The following UBN2 variants were observed in gnomAD, a reference collection of about 807,000 sequenced individuals.
UBN2 encodes ubinuclein-2.
Under a neutral mutation model 120.2 loss-of-function variants are expected in UBN2, and 35 were observed. The ratio of observed to expected loss-of-function variants is 0.29; its 90% CI spans 0.22 to 0.39. The LOEUF is 0.39. Ranked by LOEUF, UBN2 falls within the 10% of genes least tolerant of loss-of-function variation. The pLI is 1.00. For missense variants in UBN2, 1,693 were observed against 1,663.2 expected (o/e 1.02, Z -0.31); for synonymous variants, 661 against 648.7 (o/e 1.02, Z -0.29).
the UBN2 span, among the ~76,000 whole-genome samples, chr7:139,320,537 C>T: frequency 6.6e-6 from 1 of 151,916 alleles, no homozygotes; most frequent in Non-Finnish European, 1.5e-5. Flanking sequence ...TCTAATTATC[C>T]ATAACGTCAA....
chr7:139,279,088 T>C (rs996767450), intron 12 of UBN2, among the ~76,000 whole-genome samples: 1 of 152,186 alleles, frequency 6.6e-6, no homozygotes, highest in African/African-American at 2.4e-5. Flanking sequence ...TTTTAAAAAT[T>C]GTATTATCTA....
the UBN2 span, among the ~76,000 whole-genome samples, chr7:139,316,612 C>A: frequency 1.3e-5 from 2 of 152,190 alleles, no homozygotes; most frequent in Non-Finnish European, 1.5e-5. Flanking sequence ...GGCATGGTGG[C>A]AGGGGCCTGT....
downstream of UBN2, among the ~76,000 whole-genome samples, chr7:139,308,876 C>T (rs374768255): frequency 2.0e-5 from 3 of 152,206 alleles, no homozygotes; most frequent in East Asian, 1.9e-4. Flanking sequence ...TTGAGACCAT[C>T]CTGGCCAACA....
rs1054543192 is a variant in UBN2, at chr7:139,261,757, C to T, written c.1395+16C>T. The T allele has an allele frequency of 6.3e-7, 1 of 1,590,808 alleles. No individual in the cohort carries two copies. Among genetic ancestry groups the T allele is most frequent in the Non-Finnish European group, 8.6e-7 (1 of 1,165,008 alleles). ...CCTTCGTGTAGTAAGTGTAATAATT[C>T]TCTTGCTTTTTATTTGCTGCACAAA... On this transcript the variant is annotated intron_variant, in intron 6 of 17. Coordinates refer to ENST00000473989, the MANE Select transcript of UBN2 (RefSeq NM_173569.4).
Position 139,231,710 on chromosome 7 carries a change from G to C in UBN2, c.226G>C (p.Glu76Gln). ...GCGGGAGAAGCCGCTCCCCCAGCGC[G>C]AGGTCAGCCGCGCCGAGCCGCCCAT... ...PSREKPLPQR[E>Q]VSRAEPPMSL... Residue 76 changes from glutamate (E) to glutamine (Q), a missense_variant, in exon 1 of 18, where the codon GAG becomes CAG. This residue lies in a region of UBN2 where 663 missense variants were observed against 591.2 expected (regional missense o/e 1.12). Coordinates refer to ENST00000473989, the MANE Select transcript of UBN2 (RefSeq NM_173569.4). 1 of 1,177,904 alleles carries C rather than the reference G, an allele frequency of 8.5e-7. No individual in the cohort carries two copies. Among genetic ancestry groups the C allele is most frequent in the Non-Finnish European group, 1.0e-6 (1 of 956,680 alleles). 73.0% of individuals were successfully genotyped at this position (1,177,904 alleles called of 1,614,324 possible). A position where few individuals can be genotyped will look rare whatever the true frequency, so the allele number is the denominator to read the frequency against.
chr7:139,235,847 G>A (rs942225490), intron 1 of UBN2, among the ~76,000 whole-genome samples: 95 of 152,230 alleles, frequency 6.2e-4, no homozygotes, highest in Admixed American at 6.0e-3. Flanking sequence ...GAATTGTCTC[G>A]TATTCATTCT....
chr7:139,310,870 GTC>G (rs1197774688), downstream of UBN2, among the ~76,000 whole-genome samples: 1 of 152,138 alleles, frequency 6.6e-6, no homozygotes, highest in Admixed American at 6.5e-5. Context: ...ATAGAGGTCT[GTC>G]TGGTTCTTTG....
intron 6 of UBN2, 91 bp from the exon 7 acceptor site, chr7:139,266,242 A>AG (rs1249834227): frequency 2.5e-5 from 21 of 843,040 alleles, no homozygotes; most frequent in Admixed American, 2.3e-4. Context: ...AAAAAAAAAA[A>AG]AAAGAAAAAA....
Position 139,297,959 on chromosome 7 carries a change from A to C in UBN2, c.*123A>C, listed in dbSNP as rs1431247721. 1 of 1,087,968 alleles carries C rather than the reference A, an allele frequency of 9.2e-7. No homozygotes were observed. The highest frequency in any genetic ancestry group is 1.4e-6 in the Non-Finnish European group (1 of 729,412). 67.4% of individuals were successfully genotyped at this position (1,087,968 alleles called of 1,614,324 possible). On this transcript the variant is annotated 3_prime_UTR_variant, in exon 18 of 18. Coordinates refer to ENST00000473989, the MANE Select transcript of UBN2 (RefSeq NM_173569.4). ...ATGTTTACATTCTCTCGTCCCAAGC[A>C]CTGTGGTGAGGAGGAAAAAGAAAAG...
intron 2 of UBN2, among the ~76,000 whole-genome samples, chr7:139,240,454 A>ATATATATATATATATATATAT (rs371717591): frequency 4.1e-5 from 5 of 123,100 alleles, no homozygotes; most frequent in African/African-American, 1.6e-4. Context: ...ATATATATAT[A>ATATATATATATATATATATAT]TTTTTTTTTT....
intron 2 of UBN2, among the ~76,000 whole-genome samples, chr7:139,240,496 C>A (rs972809028): frequency 4.1e-5 from 6 of 145,042 alleles, no homozygotes; most frequent in Non-Finnish European, 6.0e-5. Context: ...TTAAGAAAAT[C>A]ATCAGGCCAA....
At position 139,231,511 on chromosome 7, in the gene UBN2, C is replaced by G; in HGVS notation, c.27C>G (p.Phe9Leu). 17 of 1,417,070 alleles carry G rather than the reference C, an allele frequency of 1.2e-5. No homozygotes were observed. The highest frequency in any genetic ancestry group is 1.6e-5 in the Non-Finnish European group (17 of 1,077,838). 87.8% of individuals were successfully genotyped at this position (1,417,070 alleles called of 1,614,324 possible). ...TGGCGGAGCCGCGCAGAGTAGCGTT[C>G]ATTAGCTTGTCACCGGTGCGGCGGC... Reference protein sequence around the residue: MAEPRRVAFISLSPVRRRE... With the variant: MAEPRRVALISLSPVRRRE... The change falls in exon 1 of 18, where the codon TTC becomes TTG. Residue 9 changes from phenylalanine (F) to leucine (L), a missense_variant. Coordinates refer to ENST00000473989, the MANE Select transcript of UBN2 (RefSeq NM_173569.4).
chr7:139,318,169 C>T, the UBN2 span, among the ~76,000 whole-genome samples: 1 of 152,168 alleles, frequency 6.6e-6, no homozygotes, highest in Non-Finnish European at 1.5e-5. Flanking sequence ...TGATTGTACT[C>T]TTAAAATACC....
chr7:139,287,145 A>T (rs555669722), intron 15 of UBN2, among the ~76,000 whole-genome samples: 1 of 152,320 alleles, frequency 6.6e-6, no homozygotes, highest in Non-Finnish European at 1.5e-5. Flanking sequence ...AGTCTGCATT[A>T]CTGTTTATTA....
At position 139,289,414 on chromosome 7, in the gene UBN2, C is replaced by CTTTTTTTTTTTTTTT. The variant is rs1161484759; in HGVS notation, c.3670-3816_3670-3802dup. On this transcript the variant is annotated intron_variant, in intron 15 of 17. Transcript: ENST00000473989. ...ATTGCCCTCCCTAATTTACATTTTG[C>CTTTTTTTTTTTTTTT]TTTTTTTTTTTTTTTTGAGACAGGG... Among the ~76,000 whole-genome samples, 28 of 125,792 alleles carry CTTTTTTTTTTTTTTT rather than the reference C, an allele frequency of 2.2e-4. 2 individuals carry two copies. Among genetic ancestry groups the CTTTTTTTTTTTTTTT allele is most frequent in the African/African-American group, 8.4e-4 (27 of 32,172 alleles). The allele number at this position is 125,792 out of a possible 152,430, so 82.5% of individuals were successfully genotyped here. A position where few individuals can be genotyped will look rare whatever the true frequency, so the allele number is the denominator to read the frequency against.
rs1798371895 is a variant in UBN2, at chr7:139,307,172, T to C, written c.*9336T>C. 6.6e-6 allele frequency: 1 copy of C among 152,192 alleles called. No individual in the cohort carries two copies. The highest frequency in any genetic ancestry group is 1.5e-5 in the Non-Finnish European group (1 of 68,030). The allele number at this position is 152,192 out of a possible 1,614,324, so 9.4% of individuals were successfully genotyped here. On this transcript the variant is annotated 3_prime_UTR_variant, in exon 18 of 18. Transcript: ENST00000473989. ...ATGCCAACATGTTTCAAAACCAATC[T>C]TGAAGGAGCCTAAAGAGTTGATGGT...
chr7:139,269,182 C>T (rs796242332), intron 7 of UBN2, among the ~76,000 whole-genome samples: 6 of 152,128 alleles, frequency 3.9e-5, no homozygotes, highest in Admixed American at 2.6e-4. Flanking sequence ...GCACTCCAAC[C>T]TGGGCTACAA....
At chr7:139,268,233 G>C (rs944950803) in intron 7 of UBN2, among the ~76,000 whole-genome samples, 2 of 152,086 alleles carry the variant, frequency 1.3e-5, no homozygotes, top group Non-Finnish European at 2.9e-5. Flanking sequence ...GAGCCCATCT[G>C]CTTTTTATTT....
chr7:139,302,327 T>C lies in UBN2; in HGVS notation c.*4491T>C, dbSNP rs1428314672. The C allele has an allele frequency of 6.6e-6, 1 of 152,246 alleles. No individual in the cohort carries two copies. Among genetic ancestry groups the C allele is most frequent in the Non-Finnish European group, 1.5e-5 (1 of 68,060 alleles). The allele number at this position is 152,246 out of a possible 1,614,324, so 9.4% of individuals were successfully genotyped here. A position where few individuals can be genotyped will look rare whatever the true frequency, so the allele number is the denominator to read the frequency against. Reference sequence around the variant, plus strand: ...TCCTTTCCAAACACTCCCCTTTCCATGTTTGCAAAACTTCTGCCTTGTTTA... The same window carrying C: ...TCCTTTCCAAACACTCCCCTTTCCACGTTTGCAAAACTTCTGCCTTGTTTA... On this transcript the variant is annotated 3_prime_UTR_variant, in exon 18 of 18. Transcript: ENST00000473989.
Sources: gnomAD v4.1 joint callset for allele counts (sites outside exome capture counted in the v4.1 genomes callset) on GRCh38, gnomAD v4.1.1 for gene constraint, gnomAD v4.1.1 regional missense constraint, MANE v1.5 for transcripts, NCBI Gene and HGNC (gene_info 2026-07-23, HGNC 2026-07-21) for gene names.